The following SH3PXD2A variants were observed in gnomAD, a reference collection of about 807,000 sequenced individuals.
The protein encoded by SH3PXD2A is SH3 and PX domain-containing protein 2A.
SH3PXD2A carries 32 observed loss-of-function variants against 115.2 expected under a neutral mutation model. The observed-to-expected ratio is 0.28, with a 90% CI of 0.21 to 0.37. SH3PXD2A has a LOEUF of 0.37. SH3PXD2A is among the 10% of genes least tolerant of loss of function. SH3PXD2A has a pLI of 1.00. For missense variants in SH3PXD2A, 1,328 were observed against 1,498.7 expected (o/e 0.89, Z 1.88); for synonymous variants, 610 against 629.1 (o/e 0.97, Z 0.45).
intron 6 of SH3PXD2A, among the ~76,000 whole-genome samples, chr10:103,679,319 A>T: frequency 6.6e-6 from 1 of 152,336 alleles, no homozygotes; most frequent in Non-Finnish European, 1.5e-5. Flanking sequence ...TGTGCAGTAG[A>T]CAAACCTAGA....
chr10:103,769,434 T>TTTCTTCTTCTTC (rs71476606), intron 2 of SH3PXD2A, among the ~76,000 whole-genome samples: 1 of 139,864 alleles, frequency 7.1e-6, no homozygotes, highest in African/African-American at 2.9e-5. Flanking sequence ...TTTCTTTTTC[T>TTTCTTCTTCTTC]TTCTTCTTCT....
chr10:103,732,339 C>G (rs942619644), intron 4 of SH3PXD2A, among the ~76,000 whole-genome samples: 2 of 152,224 alleles, frequency 1.3e-5, no homozygotes, highest in African/African-American at 4.8e-5. Context: ...TAAATATTAA[C>G]TGCATTACCA....
chr10:103,807,040 A>G (rs2039211958), intron 1 of SH3PXD2A, among the ~76,000 whole-genome samples: 1 of 152,178 alleles, frequency 6.6e-6, no homozygotes, highest in African/African-American at 2.4e-5. Context: ...GGTTTCCAAA[A>G]TCGCCTTCCC....
chr10:103,638,218 G>A (rs954883899), intron 8 of SH3PXD2A, among the ~76,000 whole-genome samples: 2 of 152,180 alleles, frequency 1.3e-5, no homozygotes, highest in Admixed American at 6.5e-5. Context: ...GAGGCCACCA[G>A]GGACCCAGAA....
chr10:103,834,587 A>T (rs530325096), intron 1 of SH3PXD2A, among the ~76,000 whole-genome samples: 3 of 152,384 alleles, frequency 2.0e-5, no homozygotes, highest in South Asian at 4.1e-4. Context: ...ATATCTCAAT[A>T]AAGCTGTTCC....
At chr10:103,831,308 A>G (rs534902114) in intron 1 of SH3PXD2A, among the ~76,000 whole-genome samples, 2 of 152,304 alleles carry the variant, frequency 1.3e-5, no homozygotes, top group South Asian at 2.1e-4. Flanking sequence ...TATTTATCCA[A>G]CCATTGGCAT....
intron 1 of SH3PXD2A, among the ~76,000 whole-genome samples, chr10:103,847,779 G>C (rs149305454): frequency 5.9e-5 from 9 of 152,166 alleles, no homozygotes; most frequent in Admixed American, 5.9e-4. Context: ...CCTCTACTAA[G>C]AATACAAAAA....
chr10:103,660,959 A>C, intron 8 of SH3PXD2A, 24 bp downstream of exon 8: 1 of 1,612,948 alleles, frequency 6.2e-7, no homozygotes, highest in Non-Finnish European at 8.5e-7. Context: ...ACCCCAGTGG[A>C]CGGCCATTGG....
Position 103,602,307 on chromosome 10 carries a change from C to G in SH3PXD2A, c.2911G>C (p.Gly971Arg). Residue 971 changes from glycine to arginine, a missense_variant, in exon 15 of 15, where the codon GGA becomes CGA. Around this residue, in one of 5 missense-constraint regions of SH3PXD2A, gnomAD observed 574 missense variants for 565.7 expected, o/e 1.01. Coordinates refer to ENST00000369774, the MANE Select transcript of SH3PXD2A (RefSeq NM_001394015.1). The part of the protein sequence containing the change: ...SGTPAVKMRN[G>R]VRQVAVRPQS... ...GGCCTGACCGCCACCTGCCGCACTC[C>G]GTTCCTCATCTTCACCGCTGGAGTG... 1 of 1,613,750 alleles carries G rather than the reference C, an allele frequency of 6.2e-7. No individual in the cohort carries two copies. Among genetic ancestry groups the G allele is most frequent in the Non-Finnish European group, 8.5e-7 (1 of 1,179,964 alleles).
At chr10:103,655,386 G>A (rs1044447453) in intron 8 of SH3PXD2A, among the ~76,000 whole-genome samples, 11 of 152,198 alleles carry the variant, frequency 7.2e-5, no homozygotes, top group African/African-American at 1.9e-4. Flanking sequence ...AGGAGCAGGC[G>A]AATGTGGAAG....
intron 8 of SH3PXD2A, among the ~76,000 whole-genome samples, chr10:103,641,265 C>A (rs2036951529): frequency 6.6e-6 from 1 of 152,186 alleles, no homozygotes; most frequent in African/African-American, 2.4e-5. Context: ...ACGCCAAAAT[C>A]TTAGGTGCAA....
chr10:103,644,537 G>A (rs1305987732), intron 8 of SH3PXD2A, among the ~76,000 whole-genome samples: 1 of 141,672 alleles, frequency 7.1e-6, no homozygotes, highest in Admixed American at 7.5e-5. Flanking sequence ...AATGAGCCGT[G>A]ATCATGCCAC....
chr10:103,820,568 G>A (rs774299500), intron 1 of SH3PXD2A, among the ~76,000 whole-genome samples: 1 of 152,042 alleles, frequency 6.6e-6, no homozygotes, highest in Admixed American at 6.6e-5. Flanking sequence ...TGGGGAGGGC[G>A]GCCCCCTCCC....
In SH3PXD2A at chr10:103,853,075, G is replaced by A. The variant is rs529492319; in HGVS notation, c.72+2120C>T. 6.4e-4 allele frequency among the ~76,000 whole-genome samples: 98 copies of A among 152,180 alleles called. 1 individual carries two copies. Among genetic ancestry groups the A allele is most frequent in the African/African-American group, 2.4e-3 (98 of 41,510 alleles). On this transcript the variant is annotated intron_variant, in intron 1 of 14. Transcript: ENST00000369774. ...GAACTCTAGTTCAGAACTCTGCATG[G>A]CCCCATCTGTTCAGTGACATCACTC... is the stretch of plus-strand genomic sequence containing the variant.
At chr10:103,676,637 G>A (rs1340239000) in intron 6 of SH3PXD2A, among the ~76,000 whole-genome samples, 4 of 152,144 alleles carry the variant, frequency 2.6e-5, no homozygotes, top group Non-Finnish European at 4.4e-5. Flanking sequence ...TTAGTGAGAG[G>A]TGCCGTGGGT....
intron 5 of SH3PXD2A, among the ~76,000 whole-genome samples, chr10:103,715,214 C>T (rs1387875423): frequency 1.3e-5 from 2 of 152,214 alleles, no homozygotes; most frequent in African/African-American, 2.4e-5. Context: ...GCATTTTCTA[C>T]GCATTTGCTC....
intron 8 of SH3PXD2A, among the ~76,000 whole-genome samples, chr10:103,644,182 C>G (rs2036999593): frequency 6.7e-6 from 1 of 148,892 alleles, no homozygotes; most frequent in African/African-American, 2.5e-5. Context: ...TGGCCACAAG[C>G]AAGCTCTGAG....
chr10:103,848,554 C>A (rs902964760), intron 1 of SH3PXD2A, among the ~76,000 whole-genome samples: 7 of 152,194 alleles, frequency 4.6e-5, no homozygotes, highest in Non-Finnish European at 8.8e-5. Flanking sequence ...TCAGAGCTGG[C>A]CCTGAGCTTT....
chr10:103,678,834 C>G (rs2037573601), intron 6 of SH3PXD2A, among the ~76,000 whole-genome samples: 1 of 152,176 alleles, frequency 6.6e-6, no homozygotes, highest in Non-Finnish European at 1.5e-5. Context: ...TGGGCTCTTC[C>G]TAACAATAAG....
Sources: allele counts gnomAD v4.1 joint callset (sites outside exome capture counted in the v4.1 genomes callset), GRCh38; gene constraint gnomAD v4.1.1; regional missense constraint gnomAD v4.1.1; transcripts MANE v1.5; gene names NCBI Gene and HGNC (gene_info 2026-07-23, HGNC 2026-07-21).